HEATR5A: variants seen among roughly 807,000 people sequenced by gnomAD.
HEATR5A encodes HEAT repeat containing 5A.
HEATR5A carries 178 observed loss-of-function variants against 218.8 expected under a neutral mutation model. The ratio of observed to expected loss-of-function variants is 0.81; its 90% CI spans 0.72 to 0.92. The LOEUF (loss-of-function observed/expected upper bound fraction) is 0.92. Ranked by LOEUF, HEATR5A falls within the 40% of genes least tolerant of loss-of-function variation. The pLI, the probability that HEATR5A is intolerant of heterozygous loss-of-function variation, is 0.00. For missense variants in HEATR5A, 2,420 were observed against 2,418.9 expected (o/e 1.00, Z -0.01); for synonymous variants, 864 against 871.6 (o/e 0.99, Z 0.15).
At position 31,390,116 on chromosome 14, in the gene HEATR5A, G is replaced by A. The variant is rs999925317; in HGVS notation, c.773-1111C>T. ...AAAAAGTGTTCTAGGCAGAGGAAAT[G>A]GCTATGACAAAAAGGCCTTTATAGG... On this transcript the variant is annotated intron_variant, in intron 6 of 35. Transcript: ENST00000543095. Among the ~76,000 whole-genome samples, 11 of 152,090 alleles carry A rather than the reference G, an allele frequency of 7.2e-5. No individual in the cohort carries two copies. The South Asian group carries it at 1.7e-3, about 23-fold the overall frequency.
chr14:31,311,043 AACCAACCAACCAAC>A (rs1899732326), intron 28 of HEATR5A, among the ~76,000 whole-genome samples: 1 of 149,728 alleles, frequency 6.7e-6, no homozygotes, highest in Admixed American at 6.7e-5. Flanking sequence ...CCAACCAACC[AACCAACCAACCAAC>A]CAACCAACCA....
Position 31,345,115 on chromosome 14 carries a change from A to G in HEATR5A, c.3030T>C (p.Leu1010=). 1 of 1,613,812 alleles carries G rather than the reference A, an allele frequency of 6.2e-7. No individual in the cohort carries two copies. The highest frequency in any genetic ancestry group is 1.1e-5 in the South Asian group (1 of 91,046). The part of the protein sequence containing the change: ...HQSLGRCLNA[L]ITTLGPELQG... ...GTAGCTCTGGACCTAACGTGGTAATAAGGGCATTCAAACAGCGACCAAGGC... is the reference window on the plus strand; with the variant it reads ...GTAGCTCTGGACCTAACGTGGTAATGAGGGCATTCAAACAGCGACCAAGGC... Residue 1010 remains leucine, a synonymous_variant, in exon 20 of 36, where the codon CTT becomes CTC. Transcript: ENST00000543095.
chr14:31,303,735 TGA>T, intron 32 of HEATR5A, among the ~76,000 whole-genome samples: 1 of 152,126 alleles, frequency 6.6e-6, no homozygotes, highest in African/African-American at 2.4e-5. Flanking sequence ...GGCCTGCAGT[TGA>T]ACCATGAAGA....
intron 34 of HEATR5A, 38 bp from the exon 35 acceptor site, chr14:31,294,142 A>C (rs1260700297): frequency 7.4e-7 from 1 of 1,342,550 alleles, no homozygotes. Context: ...AATACTATAA[A>C]TAAATTTTTA....
rs1389659199 is a variant in HEATR5A at position 31,293,220 on chromosome 14, C to CT, written c.*84dup. 2.8e-6 allele frequency: 3 copies of CT among 1,070,480 alleles called. No homozygotes were observed. The highest frequency in any genetic ancestry group is 4.1e-6 in the Non-Finnish European group (3 of 736,446). 66.3% of individuals were successfully genotyped at this position (1,070,480 alleles called of 1,614,324 possible). A position where few individuals can be genotyped will look rare whatever the true frequency, so the allele number is the denominator to read the frequency against. On this transcript the variant is annotated 3_prime_UTR_variant, in exon 36 of 36. Coordinates refer to ENST00000543095, the MANE Select transcript of HEATR5A (RefSeq NM_015473.4). ...ACAATCAACTAGACCTCTAAGGGCA[C>CT]TTGTGTCTACAATGTCCCTTTTGTC...
chr14:31,350,188 A>G (rs1192302917), intron 17 of HEATR5A, among the ~76,000 whole-genome samples: 15 of 152,234 alleles, frequency 9.9e-5, no homozygotes, highest in Admixed American at 9.8e-4. Flanking sequence ...ACCTCCAGGC[A>G]GCAATACGGT....
chr14:31,336,213 C>CACAT (rs758047507), intron 22 of HEATR5A, among the ~76,000 whole-genome samples: 2 of 90,742 alleles, frequency 2.2e-5, no homozygotes, highest in South Asian at 4.1e-4. Flanking sequence ...TATATACATA[C>CACAT]ATACATATAT....
intron 33 of HEATR5A, among the ~76,000 whole-genome samples, chr14:31,299,880 A>G (rs1401826227): frequency 6.6e-6 from 1 of 151,364 alleles, no homozygotes; most frequent in Non-Finnish European, 1.5e-5. Context: ...AATACAAAAA[A>G]AAAAAATTAG....
intron 21 of HEATR5A, among the ~76,000 whole-genome samples, chr14:31,338,702 T>C (rs969886692): frequency 1.3e-5 from 2 of 152,200 alleles, no homozygotes; most frequent in Non-Finnish European, 2.9e-5. Flanking sequence ...CATAATTTTA[T>C]GGCAATCTTT....
intron 16 of HEATR5A, among the ~76,000 whole-genome samples, chr14:31,354,102 ATTT>A (rs553004178): frequency 6.9e-6 from 1 of 145,622 alleles, no homozygotes; most frequent in Non-Finnish European, 1.5e-5. Flanking sequence ...CCTGGCCGGC[ATTT>A]TTTTTTTTTT....
chr14:31,404,989 C>T (rs2031005465), intron 1 of HEATR5A, among the ~76,000 whole-genome samples: 1 of 147,996 alleles, frequency 6.8e-6, no homozygotes. Context: ...CTTTGAGAGG[C>T]CCAGGCAGAA....
At position 31,320,263 on chromosome 14, in the gene HEATR5A, G is replaced by T. The variant is rs963060416; in HGVS notation, c.3969+1236C>A. 5 of 706,586 alleles carry T rather than the reference G, an allele frequency of 7.1e-6. No individual in the cohort carries two copies. In the East Asian group the frequency reaches 1.4e-4, roughly 20 times the overall value. 43.8% of individuals were successfully genotyped at this position (706,586 alleles called of 1,614,324 possible). A position where few individuals can be genotyped will look rare whatever the true frequency, so the allele number is the denominator to read the frequency against. On this transcript the variant is annotated intron_variant, in intron 25 of 35. Transcript: ENST00000543095. ...GGATGAAGAAGGAGATCATCAAACA[G>T]AAGAGCCCCATGGCCTCAGACAGGG...
intron 1 of HEATR5A, among the ~76,000 whole-genome samples, chr14:31,405,682 T>C (rs1313131563): frequency 1.3e-5 from 2 of 152,032 alleles, no homozygotes; most frequent in Admixed American, 6.6e-5. Flanking sequence ...GTTTGGGGGG[T>C]GGAAATAACC....
intron 8 of HEATR5A, 119 bp downstream of exon 8, chr14:31,387,001 G>T (rs1029487202): frequency 1.1e-6 from 1 of 946,094 alleles, no homozygotes; most frequent in East Asian, 2.4e-5. Context: ...GAATTCTGAG[G>T]AACTTCTATC....
At chr14:31,360,376 G>A (rs1026901988) in intron 14 of HEATR5A, among the ~76,000 whole-genome samples, 5 of 152,128 alleles carry the variant, frequency 3.3e-5, no homozygotes, top group Non-Finnish European at 5.9e-5. Context: ...GTTGTATCTA[G>A]ACGGGGCTCA....
At chr14:31,308,717 C>T (rs1003299664) in intron 29 of HEATR5A, among the ~76,000 whole-genome samples, 2 of 151,932 alleles carry the variant, frequency 1.3e-5, no homozygotes, top group Non-Finnish European at 2.9e-5. Context: ...TAATAGTTGA[C>T]AAAGTAGGCA....
chr14:31,371,065 T>C (rs1902017723), intron 13 of HEATR5A, among the ~76,000 whole-genome samples: 1 of 152,232 alleles, frequency 6.6e-6, no homozygotes, highest in Non-Finnish European at 1.5e-5. Flanking sequence ...CCTGTTTTTG[T>C]AAATAAAGTT....
In HEATR5A at chr14:31,326,108, T is replaced by C. The variant is rs763767402; in HGVS notation, c.3547+55A>G. On this transcript the variant is annotated intron_variant, in intron 23 of 35. Coordinates refer to ENST00000543095, the MANE Select transcript of HEATR5A (RefSeq NM_015473.4). ...GAATTCTCAGTGGTAAACAATTTTA[T>C]GTAAAGTTTCAAATTTCAATTTTAT... The C allele has an allele frequency of 5.0e-6, 7 of 1,395,054 alleles. No homozygotes were observed. The South Asian group carries it at 8.2e-5, about 16-fold the overall frequency. The allele number at this position is 1,395,054 out of a possible 1,614,324, so 86.4% of individuals were successfully genotyped here. A position where few individuals can be genotyped will look rare whatever the true frequency, so the allele number is the denominator to read the frequency against.
At position 31,306,717 on chromosome 14, in the gene HEATR5A, A is replaced by G. The variant is rs1899566586; in HGVS notation, c.4966+15T>C. 6.3e-7 allele frequency: 1 copy of G among 1,598,148 alleles called. No homozygotes were observed. Among genetic ancestry groups the G allele is most frequent in the Non-Finnish European group, 8.5e-7 (1 of 1,170,692 alleles). The stretch of plus-strand genomic sequence containing the variant: ...ATGCTATTTGATCAACTCGGCATTA[A>G]AGGTTAACATTTACCTTCTGCACTT... On this transcript the variant is annotated intron_variant, in intron 31 of 35. Coordinates refer to ENST00000543095, the MANE Select transcript of HEATR5A (RefSeq NM_015473.4).
Sources: allele counts gnomAD v4.1 joint callset (sites outside exome capture counted in the v4.1 genomes callset), GRCh38; gene constraint gnomAD v4.1.1; transcripts MANE v1.5; gene names NCBI Gene and HGNC (gene_info 2026-07-23, HGNC 2026-07-21).